The following MEGF8 variants were observed in gnomAD, a reference collection of about 807,000 sequenced individuals.
MEGF8 encodes the protein multiple epidermal growth factor-like domains protein 8.
A neutral mutation model predicts 302.9 loss-of-function variants in MEGF8; 156 were observed. The observed-to-expected ratio is 0.52, with a 90% CI of 0.45 to 0.59. MEGF8 has a LOEUF of 0.59. MEGF8 is among the 20% of genes least tolerant of loss of function. The probability of loss-of-function intolerance (pLI) is 0.00; values close to 1 mark genes in which losing one functional copy is unlikely to be tolerated. For synonymous variants in MEGF8, 1,621 were observed against 1,660.5 expected (o/e 0.98, Z 0.58); for missense variants, 3,345 against 3,964.5 (o/e 0.84, Z 4.20).
Position 42,352,707 on chromosome 19 carries a change from G to C in MEGF8, c.3351-221G>C. The stretch of plus-strand genomic sequence containing the variant: ...TCAGCGTTGCCATGGAGGCGGAGGA[G>C]GACCTAGTTGAAAGAGGTTTTCACA... On this transcript the variant is annotated intron_variant, in intron 19 of 41. Coordinates refer to ENST00000251268, the MANE Select transcript of MEGF8 (RefSeq NM_001271938.2). This position sits in a 1 kb window ranked among gnomAD's most constrained non-coding sequence, Gnocchi z 4.4. The C allele has an allele frequency of 1.6e-6, 1 of 642,640 alleles. No homozygotes were observed. Among genetic ancestry groups the C allele is most frequent in the South Asian group, 2.0e-5 (1 of 51,092 alleles). The allele number at this position is 642,640 out of a possible 1,614,324, so 39.8% of individuals were successfully genotyped here. A position where few individuals can be genotyped will look rare whatever the true frequency, so the allele number is the denominator to read the frequency against.
rs566390250 is a variant in MEGF8, at chr19:42,335,500, A to G, written c.828+115A>G. On this transcript the variant is annotated intron_variant, in intron 5 of 41. Transcript: ENST00000251268. ...TCCCACAGTTCCTGCAGCTTGATAT[A>G]GGAACCTACTTCTCCCTGTTTCTGC... is the stretch of plus-strand genomic sequence containing the variant. 4.2e-5 allele frequency: 37 copies of G among 891,102 alleles called. 1 individual carries two copies. The African/African-American group carries it at 5.5e-4, about 13-fold the overall frequency. 55.2% of individuals were successfully genotyped at this position (891,102 alleles called of 1,614,324 possible).
At position 42,357,676 on chromosome 19, in the gene MEGF8, GC is replaced by G; in HGVS notation, c.5011+94del. Reference sequence around the variant, plus strand: ...TCTCCATCCACTGCTGTGCTCTGTGGCCACCTGTCTCCCTCTCTTTCCCATC... The same window carrying G: ...TCTCCATCCACTGCTGTGCTCTGTGGCACCTGTCTCCCTCTCTTTCCCATC... On this transcript the variant is annotated intron_variant, in intron 28 of 41. Coordinates refer to ENST00000251268, the MANE Select transcript of MEGF8 (RefSeq NM_001271938.2). This position sits in a 1 kb window ranked among gnomAD's most constrained non-coding sequence, Gnocchi z 5.2. The G allele has an allele frequency of 1.7e-6, 2 of 1,169,740 alleles. No homozygotes were observed. Among genetic ancestry groups the G allele is most frequent in the Non-Finnish European group, 2.4e-6 (2 of 839,646 alleles). 72.5% of individuals were successfully genotyped at this position (1,169,740 alleles called of 1,614,324 possible).
chr19:42,338,203 C>T (rs1469803961), intron 8 of MEGF8, among the ~76,000 whole-genome samples: 1 of 151,692 alleles, frequency 6.6e-6, no homozygotes, highest in African/African-American at 2.4e-5. Flanking sequence ...TATTTCATCA[C>T]CCAGGTATTA....
chr19:42,350,698 G>A (rs1289224381), intron 15 of MEGF8, among the ~76,000 whole-genome samples: 4 of 152,184 alleles, frequency 2.6e-5, no homozygotes, highest in South Asian at 2.1e-4. Flanking sequence ...GGCAGCCCTC[G>A]ACACCCTGCT....
intron 31 of MEGF8, 28 bp downstream of exon 31, chr19:42,359,270 G>T: frequency 1.3e-6 from 2 of 1,520,606 alleles, no homozygotes; most frequent in Admixed American, 2.1e-5. Context: ...CTCCCAGGAG[G>T]CTGAGGGACA....
chr19:42,353,242 C>A lies in MEGF8; in HGVS notation c.3550+115C>A. 1 of 1,098,290 alleles carries A rather than the reference C, an allele frequency of 9.1e-7. No homozygotes were observed. The highest frequency in any genetic ancestry group is 1.3e-6 in the Non-Finnish European group (1 of 782,742). 68.0% of individuals were successfully genotyped at this position (1,098,290 alleles called of 1,614,324 possible). A position where few individuals can be genotyped will look rare whatever the true frequency, so the allele number is the denominator to read the frequency against. On this transcript the variant is annotated intron_variant, in intron 20 of 41. Coordinates refer to ENST00000251268, the MANE Select transcript of MEGF8 (RefSeq NM_001271938.2). This position sits in a 1 kb window ranked among gnomAD's most constrained non-coding sequence, Gnocchi z 6.1. ...AGTGTCCTCTCATGCAGCTCTAGGT[C>A]CCCTGCCCCATTCCTGTTCCTGACT... is the stretch of plus-strand genomic sequence containing the variant.
chr19:42,335,018 T>C lies in MEGF8; in HGVS notation c.559-17T>C, dbSNP rs1251211095. The stretch of plus-strand genomic sequence containing the variant: ...TCTCCCTCTCTTATCTCTGCCTTTA[T>C]GTCTCCTTTCCCGCAGCCCCTGGGA... On this transcript the variant is annotated splice_polypyrimidine_tract_variant and intron_variant, in intron 3 of 41. Transcript: ENST00000251268. The C allele has an allele frequency of 6.3e-7, 1 of 1,596,088 alleles. No homozygotes were observed. The highest frequency in any genetic ancestry group is 1.4e-5 in the African/African-American group (1 of 73,980).
At chr19:42,326,794 G>A (rs1263560757) in intron 1 of MEGF8, among the ~76,000 whole-genome samples, 2 of 147,794 alleles carry the variant, frequency 1.4e-5, no homozygotes, top group Non-Finnish European at 3.0e-5. Context: ...CCAGGCTGGA[G>A]TGCAATGGTA....
chr19:42,337,632 G>C (rs1394246269), intron 8 of MEGF8, among the ~76,000 whole-genome samples: 1 of 148,326 alleles, frequency 6.7e-6, no homozygotes, highest in East Asian at 2.0e-4. Context: ...TCAGCCTCCT[G>C]CATCGCTGGG....
rs2039476918 is a variant in MEGF8, at chr19:42,358,037, T to C, written c.5012-107T>C. On this transcript the variant is annotated intron_variant, in intron 28 of 41. Coordinates refer to ENST00000251268, the MANE Select transcript of MEGF8 (RefSeq NM_001271938.2). The surrounding 1 kb of genome is among the most constrained non-coding windows in gnomAD (Gnocchi z 4.4). The stretch of plus-strand genomic sequence containing the variant: ...TGGAGAGGGGCTCCCAGGCCTCCAG[T>C]CTCAGGGCCGGGGAAGGGAGTGGTC... The C allele has an allele frequency of 4.4e-6, 5 of 1,141,508 alleles. No individual in the cohort carries two copies. In the South Asian group the frequency reaches 9.4e-5, roughly 21 times the overall value. The allele number at this position is 1,141,508 out of a possible 1,614,324, so 70.7% of individuals were successfully genotyped here.
chr19:42,373,706 GTTTTTTTTTTT>G (rs750576656), intron 41 of MEGF8, among the ~76,000 whole-genome samples: 2 of 100,988 alleles, frequency 2.0e-5, no homozygotes, highest in African/African-American at 3.7e-5. Flanking sequence ...GGGCTTTTGG[GTTTTTTTTTTT>G]TTTTTTTTTT....
chr19:42,345,041 A>C (rs1407237218), intron 12 of MEGF8, among the ~76,000 whole-genome samples: 1 of 152,076 alleles, frequency 6.6e-6, no homozygotes, highest in Non-Finnish European at 1.5e-5. Context: ...GCGCAGTCTC[A>C]GCTCACTGCA....
Position 42,358,082 on chromosome 19 carries a change from G to A in MEGF8, c.5012-62G>A, listed in dbSNP as rs540993985. Reference sequence around the variant, plus strand: ...GTGGTCACCGAACAGGGGACCGGGAGGTCGGCGGGGTCAGTGCTGTTGTCA... The same window carrying A: ...GTGGTCACCGAACAGGGGACCGGGAAGTCGGCGGGGTCAGTGCTGTTGTCA... On this transcript the variant is annotated intron_variant, in intron 28 of 41. Transcript: ENST00000251268. The surrounding 1 kb of genome is among the most constrained non-coding windows in gnomAD (Gnocchi z 4.4). 3.5e-6 allele frequency: 5 copies of A among 1,417,614 alleles called. No individual in the cohort carries two copies. The highest frequency in any genetic ancestry group is 2.9e-5 in the African/African-American group (2 of 67,872). The allele number at this position is 1,417,614 out of a possible 1,614,324, so 87.8% of individuals were successfully genotyped here. A position where few individuals can be genotyped will look rare whatever the true frequency, so the allele number is the denominator to read the frequency against.
Position 42,356,129 on chromosome 19 carries a change from G to A in MEGF8, c.4439G>A (p.Cys1480Tyr), listed in dbSNP as rs770016000. 3.8e-6 allele frequency: 6 copies of A among 1,580,978 alleles called. No homozygotes were observed. The highest frequency in any genetic ancestry group is 5.2e-6 in the Non-Finnish European group (6 of 1,162,398). Reference sequence around the variant, plus strand: ...GCCGAGGGCTTCGGGGGCCCCGACTGCGCCACCAAGCTGGATGGCGGGCAG... The same window carrying A: ...GCCGAGGGCTTCGGGGGCCCCGACTACGCCACCAAGCTGGATGGCGGGCAG... Reference protein sequence around the residue: ...ICAEGFGGPDCATKLDGGQLV... With the variant: ...ICAEGFGGPDYATKLDGGQLV... The change falls in exon 25 of 42, where the codon TGC (cysteine) becomes TAC (tyrosine). Residue 1480 changes from cysteine to tyrosine, a missense_variant. Coordinates refer to ENST00000251268, the MANE Select transcript of MEGF8 (RefSeq NM_001271938.2). This position sits in a 1 kb window ranked among gnomAD's most constrained non-coding sequence, Gnocchi z 5.2.
intron 23 of MEGF8, 124 bp from the exon 24 acceptor site, chr19:42,355,634 G>A (rs998504608): frequency 8.9e-6 from 12 of 1,354,784 alleles, no homozygotes; most frequent in African/African-American, 4.4e-5. Context: ...TCATCCTGGC[G>A]ATGATTATGA....
Position 42,358,185 on chromosome 19 carries a change from TC to T in MEGF8, c.5056del (p.Leu1686SerfsTer44). The T allele has an allele frequency of 6.2e-7, 1 of 1,600,826 alleles. No homozygotes were observed. The highest frequency in any genetic ancestry group is 1.1e-5 in the South Asian group (1 of 88,120). ...TGCTGTCTACCACGAGGCCACCGAC[TC>T]CCTCTACGTGTTTGGGGGGTTCCGA... ...HSAVYHEATD[S>X]LYVFGGFRFH... On this transcript the variant is annotated frameshift_variant, in exon 29 of 42. Transcript: ENST00000251268. LOFTEE classifies it high-confidence loss of function. This position sits in a 1 kb window ranked among gnomAD's most constrained non-coding sequence, Gnocchi z 4.4.
chr19:42,348,347 T>A lies in MEGF8; in HGVS notation c.2173T>A (p.Phe725Ile), dbSNP rs1050470092. Reference sequence around the variant, plus strand: ...AGATGTGTCCCTGGTCTACCGTGGCTTCATCTACCCAATGCTGCCTGGAGG... The same window carrying A: ...AGATGTGTCCCTGGTCTACCGTGGCATCATCTACCCAATGCTGCCTGGAGG... ...ETDVSLVYRGFIYPMLPGGPG... is the reference protein window; with the variant it reads ...ETDVSLVYRGIIYPMLPGGPG... Residue 725 changes from phenylalanine to isoleucine, a missense_variant, in exon 13 of 42, where the codon TTC (phenylalanine) becomes ATC (isoleucine). Phe to Ile is a conservative substitution (Grantham distance 21, BLOSUM62 0). Coordinates refer to ENST00000251268, the MANE Select transcript of MEGF8 (RefSeq NM_001271938.2). 1.3e-6 allele frequency: 2 copies of A among 1,537,452 alleles called. No individual in the cohort carries two copies. The highest frequency in any genetic ancestry group is 1.7e-6 in the Non-Finnish European group (2 of 1,146,958).
intron 41 of MEGF8, among the ~76,000 whole-genome samples, chr19:42,373,093 T>C (rs977825088): frequency 1.3e-5 from 2 of 151,932 alleles, no homozygotes; most frequent in Non-Finnish European, 2.9e-5. Flanking sequence ...GCAGTTTTTC[T>C]TGGTTCCTTT....
In MEGF8 at chr19:42,350,304, G is replaced by A; in HGVS notation, c.2656G>A (p.Ala886Thr). The change falls in exon 15 of 42, where the codon GCT becomes ACT. Residue 886 changes from alanine to threonine, a missense_variant. Transcript: ENST00000251268. ...QGGAHCGDDG[A>T]GGSLLVLVPT... Reference sequence around the variant, plus strand: ...CGGAGCCCATTGCGGGGATGACGGGGCTGGTGGGTCCCTGCTGGTGCTGGT... The same window carrying A: ...CGGAGCCCATTGCGGGGATGACGGGACTGGTGGGTCCCTGCTGGTGCTGGT... 6.2e-7 allele frequency: 1 copy of A among 1,608,878 alleles called. No individual in the cohort carries two copies. The highest frequency in any genetic ancestry group is 8.5e-7 in the Non-Finnish European group (1 of 1,179,648).
Sources: gnomAD v4.1 joint callset for allele counts (sites outside exome capture counted in the v4.1 genomes callset) on GRCh38, gnomAD v4.1.1 for gene constraint, Gnocchi (gnomAD v3.1) non-coding constraint, MANE v1.5 for transcripts, NCBI Gene and HGNC (gene_info 2026-07-23, HGNC 2026-07-21) for gene names.